HDAC4: variants seen among roughly 807,000 people sequenced by gnomAD.
HDAC4 encodes the protein histone deacetylase 4.
Under a neutral mutation model 135.1 loss-of-function variants are expected in HDAC4, and 16 were observed. The observed-to-expected ratio is 0.12, with a 90% CI of 0.08 to 0.18. The LOEUF (loss-of-function observed/expected upper bound fraction) is 0.18. Among genes scored for constraint, HDAC4 ranks in the 10% least tolerant of loss-of-function variants. The pLI is 1.00. For synonymous variants in HDAC4, 685 were observed against 653.4 expected, an observed-to-expected ratio of 1.05 and a Z score of -0.74; for missense variants, 1,143 against 1,511.8, an observed-to-expected ratio of 0.76 and a Z score of 4.05.
intron 15 of HDAC4, among the ~76,000 whole-genome samples, chr2:239,105,675 C>T (rs1417649117): frequency 6.6e-6 from 1 of 152,234 alleles, no homozygotes; most frequent in Admixed American, 6.5e-5. Flanking sequence ...GGGGTGCTGA[C>T]TCTGAGGCCC....
chr2:239,158,155 C>G (rs534529945), intron 6 of HDAC4, among the ~76,000 whole-genome samples: 2 of 152,102 alleles, frequency 1.3e-5, no homozygotes, highest in African/African-American at 4.8e-5. Flanking sequence ...TAGTTCTACC[C>G]CTCGTCTCAC....
intron 2 of HDAC4, among the ~76,000 whole-genome samples, chr2:239,327,681 G>A (rs2053510696): frequency 6.6e-6 from 1 of 152,236 alleles, no homozygotes; most frequent in Non-Finnish European, 1.5e-5. Context: ...GGCTTTCCCA[G>A]AGAGACTGCC....
At chr2:239,399,028 T>G (rs1696757284) in intron 1 of HDAC4, among the ~76,000 whole-genome samples, 1 of 152,186 alleles carries the variant, frequency 6.6e-6, no homozygotes, top group Non-Finnish European at 1.5e-5. Flanking sequence ...TGTGTTGGGG[T>G]GTGTGTTTTT....
intron 2 of HDAC4, among the ~76,000 whole-genome samples, chr2:239,335,055 A>G (rs1691839556): frequency 6.6e-6 from 1 of 151,662 alleles, no homozygotes; most frequent in Admixed American, 6.6e-5. Context: ...TCCATATGGA[A>G]ATGCAAAGGG....
chr2:239,080,745 TAGG>T (rs1475852424), intron 22 of HDAC4, among the ~76,000 whole-genome samples: 1 of 152,168 alleles, frequency 6.6e-6, no homozygotes, highest in Non-Finnish European at 1.5e-5. Flanking sequence ...GAAGAAGAAT[TAGG>T]AGATCATGAG....
intron 12 of HDAC4, among the ~76,000 whole-genome samples, chr2:239,124,159 C>A (rs1033943110): frequency 1.3e-5 from 2 of 152,220 alleles, no homozygotes; most frequent in African/African-American, 4.8e-5. Flanking sequence ...GGATATAATT[C>A]ACATACCATC....
chr2:239,230,781 G>A (rs879563234), intron 3 of HDAC4, among the ~76,000 whole-genome samples: 9 of 152,166 alleles, frequency 5.9e-5, no homozygotes, highest in African/African-American at 1.9e-4. Context: ...AACAGCTTCC[G>A]GTGCCAATAA....
chr2:239,388,860 T>C (rs1696007344), intron 1 of HDAC4, among the ~76,000 whole-genome samples: 1 of 152,214 alleles, frequency 6.6e-6, no homozygotes. Flanking sequence ...ACTGGCCATT[T>C]TGGCACACTT....
At position 239,292,102 on chromosome 2, in the gene HDAC4, C is replaced by T. The variant is rs534072313; in HGVS notation, c.23-55438G>A. On this transcript the variant is annotated intron_variant, in intron 2 of 26. Coordinates refer to ENST00000543185, the MANE Select transcript of HDAC4 (RefSeq NM_001378414.1). ...CGCACAGCCCAGCTCAGGACGGCCA[C>T]GCCAGGGGCTGTGCTTGCCCATCGT... is the stretch of plus-strand genomic sequence containing the variant. 6.0e-4 allele frequency among the ~76,000 whole-genome samples: 92 copies of T among 152,292 alleles called. 1 individual carries two copies. In the Middle Eastern group the frequency reaches 0.024, roughly 39 times the overall value.
chr2:239,317,616 G>A (rs2053163077), intron 2 of HDAC4, among the ~76,000 whole-genome samples: 1 of 152,148 alleles, frequency 6.6e-6, no homozygotes, highest in Non-Finnish European at 1.5e-5. Context: ...TTATAACCCA[G>A]TTAATAAATT....
chr2:239,327,445 C>G (rs570750044), intron 2 of HDAC4, among the ~76,000 whole-genome samples: 13 of 152,264 alleles, frequency 8.5e-5, no homozygotes, highest in Non-Finnish European at 1.8e-4. Context: ...CTCAGCTGTT[C>G]TGCCCCTCAG....
intron 2 of HDAC4, among the ~76,000 whole-genome samples, chr2:239,292,033 G>C (rs539636697): frequency 6.6e-6 from 1 of 151,084 alleles, no homozygotes; most frequent in East Asian, 2.0e-4. Flanking sequence ...GGCCCAGCTC[G>C]GCCCAGCTCA....
intron 2 of HDAC4, among the ~76,000 whole-genome samples, chr2:239,277,218 T>C (rs2050421594): frequency 6.6e-6 from 1 of 152,202 alleles, no homozygotes; most frequent in Non-Finnish European, 1.5e-5. Context: ...AGGACAACCA[T>C]GCTCCCAGAG....
In HDAC4 at chr2:239,068,434, G is replaced by A. The variant is rs2033806205; in HGVS notation, c.2869+55C>T. ...AAGGGGACCTGACACGCGGAACACA[G>A]CGGATCATGGACATGAGCAGAACCG... is the stretch of plus-strand genomic sequence containing the variant. On this transcript the variant is annotated intron_variant, in intron 23 of 26. Transcript: ENST00000543185. The surrounding 1 kb of genome is among the most constrained non-coding windows in gnomAD (Gnocchi z 4.4). The A allele has an allele frequency of 1.6e-6, 2 of 1,264,940 alleles. No individual in the cohort carries two copies. The highest frequency in any genetic ancestry group is 2.3e-6 in the Non-Finnish European group (2 of 861,988). The allele number at this position is 1,264,940 out of a possible 1,614,324, so 78.4% of individuals were successfully genotyped here. A position where few individuals can be genotyped will look rare whatever the true frequency, so the allele number is the denominator to read the frequency against.
chr2:239,053,473 G>C lies in HDAC4; in HGVS notation c.3217C>G (p.Pro1073Ala), dbSNP rs1401308652. The C allele has an allele frequency of 6.2e-7, 1 of 1,613,168 alleles. No individual in the cohort carries two copies. The highest frequency in any genetic ancestry group is 8.5e-7 in the Non-Finnish European group (1 of 1,179,712). ...GCAGGTGCTCACCTCTTTTCGGCGGGCTTCACGCCCACGGACAGCGAGGCC... is the reference window on the plus strand; with the variant it reads ...GCAGGTGCTCACCTCTTTTCGGCGGCCTTCACGCCCACGGACAGCGAGGCC... ...AMASLSVGVKPAEKRPDEEPM... is the reference protein window; with the variant it reads ...AMASLSVGVKAAEKRPDEEPM... The change falls in exon 26 of 27, where the codon CCC becomes GCC. Residue 1073 changes from proline (P) to alanine (A), a missense_variant. Around this residue, in one of 9 missense-constraint regions of HDAC4, gnomAD observed 131 missense variants for 130.6 expected, o/e 1.00. Coordinates refer to ENST00000543185, the MANE Select transcript of HDAC4 (RefSeq NM_001378414.1).
intron 2 of HDAC4, among the ~76,000 whole-genome samples, chr2:239,273,449 G>A (rs1359636529): frequency 3.3e-5 from 5 of 152,198 alleles, no homozygotes; most frequent in African/African-American, 1.2e-4. Flanking sequence ...TGTGTGAGCC[G>A]AAGAGCTGAT....
At chr2:239,267,791 G>T (rs147588259) in intron 2 of HDAC4, among the ~76,000 whole-genome samples, 1 of 152,268 alleles carries the variant, frequency 6.6e-6, no homozygotes, top group South Asian at 2.1e-4. Flanking sequence ...TTCTCCCTCC[G>T]TCAAGGACAG....
intron 3 of HDAC4, chr2:239,191,015 AT>A (rs999001248): frequency 6.5e-6 from 3 of 463,776 alleles, no homozygotes; most frequent in African/African-American, 6.0e-5. Context: ...GCCCAGGGAC[AT>A]CCCAGCGTCA....
At chr2:239,339,513 C>G (rs1056706027) in intron 2 of HDAC4, among the ~76,000 whole-genome samples, 8 of 152,166 alleles carry the variant, frequency 5.3e-5, no homozygotes, top group Admixed American at 3.3e-4. Context: ...GTGAGGAGCA[C>G]CAAAGCCATG....
Sources: gnomAD v4.1 joint callset for allele counts (sites outside exome capture counted in the v4.1 genomes callset) on GRCh38, gnomAD v4.1.1 for gene constraint, gnomAD v4.1.1 regional missense constraint, Gnocchi (gnomAD v3.1) non-coding constraint, MANE v1.5 for transcripts, NCBI Gene and HGNC (gene_info 2026-07-23, HGNC 2026-07-21) for gene names.